Variants in RYR2 observed in about 807,000 individuals in gnomAD.
RYR2 encodes ryanodine receptor 2.
Under a neutral mutation model 601.1 loss-of-function variants are expected in RYR2, and 227 were observed. The ratio of observed to expected loss-of-function variants is 0.38; its 90% CI spans 0.34 to 0.42. The LOEUF is 0.42. RYR2 is among the 10% of genes least tolerant of loss of function. The pLI is 1.00. For missense variants in RYR2, 4,646 were observed against 6,156.5 expected (o/e 0.75, Z 8.21); for synonymous variants, 2,223 against 2,175.1 (o/e 1.02, Z -0.61).
chr1:237,778,835 T>C, intron 88 of RYR2, 65 bp downstream of exon 88: 2 of 774,052 alleles, frequency 2.6e-6, no homozygotes, highest in South Asian at 1.5e-5. Flanking sequence ...CATCAGCAAA[T>C]TAAACATGCT....
intron 1 of RYR2, among the ~76,000 whole-genome samples, chr1:237,048,478 A>G (rs1426527438): frequency 6.6e-6 from 1 of 151,750 alleles, no homozygotes; most frequent in African/African-American, 2.4e-5. Flanking sequence ...CTGCCATTTT[A>G]GTCCTCCTGA....
At chr1:237,186,281 G>A (rs992566608) in intron 1 of RYR2, among the ~76,000 whole-genome samples, 1 of 152,104 alleles carries the variant, frequency 6.6e-6, no homozygotes, top group Admixed American at 6.5e-5. Context: ...AGTGCATTTA[G>A]CACTATTTTA....
intron 1 of RYR2, among the ~76,000 whole-genome samples, chr1:237,173,823 G>A (rs997795012): frequency 6.8e-6 from 1 of 147,608 alleles, no homozygotes; most frequent in African/African-American, 2.4e-5. Context: ...TTGGGAGGCC[G>A]AGGCGGGCAG....
At chr1:237,439,054 T>C (rs1460953241) in intron 12 of RYR2, among the ~76,000 whole-genome samples, 1 of 152,204 alleles carries the variant, frequency 6.6e-6, no homozygotes, top group Admixed American at 6.5e-5. Context: ...TTTAGTAAGA[T>C]TATTACTTGC....
chr1:237,550,690 T>C lies in RYR2; in HGVS notation c.3213T>C (p.His1071=). The C allele has an allele frequency of 6.5e-7, 1 of 1,544,396 alleles. No homozygotes were observed. The highest frequency in any genetic ancestry group is 8.7e-7 in the Non-Finnish European group (1 of 1,144,914). The change falls in exon 27 of 105, where the codon CAT becomes CAC. Residue 1071 remains histidine, a splice_region_variant and synonymous_variant. Transcript: ENST00000366574. ...ACTTGGAAGCACCAGATCAAGATCA[T>C]GGTATTTTGGTTTTACTTTCCTCTT... ...GYNLEAPDQD[H]AARAEVCSGT...
intron 36 of RYR2, among the ~76,000 whole-genome samples, chr1:237,613,825 G>GTA (rs1456449422): frequency 1.3e-5 from 2 of 152,152 alleles, no homozygotes; most frequent in Admixed American, 1.3e-4. Flanking sequence ...TGCTCAACCG[G>GTA]TAAGTATAAT....
chr1:237,168,917 T>C (rs1224492908), intron 1 of RYR2, among the ~76,000 whole-genome samples: 1 of 152,144 alleles, frequency 6.6e-6, no homozygotes, highest in Admixed American at 6.5e-5. Flanking sequence ...TGAAACAATA[T>C]GGTTATTGGT....
intron 2 of RYR2, among the ~76,000 whole-genome samples, chr1:237,284,315 C>T (rs965161228): frequency 3.3e-5 from 5 of 149,426 alleles, no homozygotes; most frequent in South Asian, 2.1e-4. Flanking sequence ...GGGAGGCGGA[C>T]GTTGCAGTGA....
intron 62 of RYR2, among the ~76,000 whole-genome samples, chr1:237,681,019 G>T (rs912047008): frequency 1.3e-5 from 2 of 152,126 alleles, no homozygotes; most frequent in South Asian, 2.1e-4. Context: ...ATGAAGTAAA[G>T]ATACCTATAA....
intron 1 of RYR2, among the ~76,000 whole-genome samples, chr1:237,096,627 A>G (rs1667533613): frequency 6.6e-6 from 1 of 152,168 alleles, no homozygotes; most frequent in South Asian, 2.1e-4. Flanking sequence ...GGTATCTGGA[A>G]TTGTTGTTGG....
chr1:237,527,887 A>G (rs1156603262), intron 24 of RYR2, among the ~76,000 whole-genome samples: 4 of 152,178 alleles, frequency 2.6e-5, no homozygotes, highest in Non-Finnish European at 5.9e-5. Context: ...ATTGCATGCC[A>G]TTTTGAGCAG....
At chr1:237,754,737 C>A (rs904354988) in intron 80 of RYR2, among the ~76,000 whole-genome samples, 3 of 152,200 alleles carry the variant, frequency 2.0e-5, no homozygotes, top group African/African-American at 7.2e-5. Context: ...AGATGTTGCT[C>A]ATCAGTTTTA....
At chr1:237,409,852 C>T (rs1172056905) in intron 10 of RYR2, among the ~76,000 whole-genome samples, 1 of 152,090 alleles carries the variant, frequency 6.6e-6, no homozygotes, top group Non-Finnish European at 1.5e-5. Context: ...GCCTGGTAAA[C>T]TGTTTTCTCT....
At chr1:237,390,531 G>A (rs1702290436) in intron 10 of RYR2, among the ~76,000 whole-genome samples, 1 of 152,116 alleles carries the variant, frequency 6.6e-6, no homozygotes, top group African/African-American at 2.4e-5. Context: ...TTAGTCTGTT[G>A]CTATTATTTA....
intron 25 of RYR2, among the ~76,000 whole-genome samples, chr1:237,546,328 G>A (rs1429128196): frequency 6.6e-6 from 1 of 152,140 alleles, no homozygotes; most frequent in African/African-American, 2.4e-5. Flanking sequence ...TAAAGCTTTT[G>A]TCTACAGAAA....
intron 100 of RYR2, among the ~76,000 whole-genome samples, chr1:237,816,123 G>A (rs758728733): frequency 6.6e-6 from 1 of 152,150 alleles, no homozygotes; most frequent in Non-Finnish European, 1.5e-5. Flanking sequence ...ACAATCCACT[G>A]TTGGCTCACT....
intron 2 of RYR2, among the ~76,000 whole-genome samples, chr1:237,298,225 C>T (rs974455302): frequency 6.6e-6 from 1 of 152,098 alleles, no homozygotes; most frequent in Non-Finnish European, 1.5e-5. Context: ...TCTCCCATCA[C>T]CTGGATGCAG....
chr1:237,058,306 G>C (rs1347479409), intron 1 of RYR2, among the ~76,000 whole-genome samples: 6 of 152,168 alleles, frequency 3.9e-5, no homozygotes, highest in Non-Finnish European at 8.8e-5. Context: ...TACTATGATA[G>C]GATCTGGCTA....
At position 237,614,634 on chromosome 1, in the gene RYR2, A is replaced by C; in HGVS notation, c.5506A>C (p.Asn1836His). ...YTLLIMGIFH[N>H]EDLKHILQLI... is the part of the protein sequence containing the mutation. Reference sequence around the variant, plus strand: ...CCTGCTGATCATGGGCATCTTTCACAACGAGGACTTGAAGCACATCTTGCA... The same window carrying C: ...CCTGCTGATCATGGGCATCTTTCACCACGAGGACTTGAAGCACATCTTGCA... The change falls in exon 37 of 105, where the codon AAC becomes CAC. Residue 1836 changes from asparagine (N) to histidine (H), a missense_variant. By Grantham distance (68) the Asn-to-His change is moderately conservative (BLOSUM62 1). This residue lies in a region of RYR2 where 1,807 missense variants were observed against 2,088.1 expected (regional missense o/e 0.87). Coordinates refer to ENST00000366574, the MANE Select transcript of RYR2 (RefSeq NM_001035.3). The surrounding 1 kb of genome is among the most constrained non-coding windows in gnomAD (Gnocchi z 4.3). 1 of 1,613,986 alleles carries C rather than the reference A, an allele frequency of 6.2e-7. No homozygotes were observed. Among genetic ancestry groups the C allele is most frequent in the Non-Finnish European group, 8.5e-7 (1 of 1,179,886 alleles).
Sources: allele counts gnomAD v4.1 joint callset (sites outside exome capture counted in the v4.1 genomes callset), GRCh38; gene constraint gnomAD v4.1.1; regional missense constraint gnomAD v4.1.1; non-coding constraint Gnocchi (gnomAD v3.1); transcripts MANE v1.5; gene names NCBI Gene and HGNC (gene_info 2026-07-23, HGNC 2026-07-21).